Variants in GIMAP8 observed in about 807,000 individuals in gnomAD.
GIMAP8 encodes GTPase, IMAP family member 8.
Under a neutral mutation model 35.6 loss-of-function variants are expected in GIMAP8, and 29 were observed. The observed-to-expected ratio is 0.81, with a 90% CI of 0.61 to 1.11. The LOEUF (loss-of-function observed/expected upper bound fraction) is 1.11, where lower values mean the gene tolerates loss of function less well. Among genes scored for constraint, GIMAP8 ranks in the 50% most tolerant of loss-of-function variants. The pLI is 0.00. For synonymous variants in GIMAP8, 335 were observed against 308.7 expected (o/e 1.09, Z -0.89); for missense variants, 811 against 805.0 (o/e 1.01, Z -0.09).
chr7:150,459,311 T>A (rs1432157288), intron 1 of GIMAP8, among the ~76,000 whole-genome samples: 1 of 152,202 alleles, frequency 6.6e-6, no homozygotes, highest in African/African-American at 2.4e-5. Flanking sequence ...TTGAGAGGCA[T>A]GAGGAGCCCA....
chr7:150,466,560 T>C, intron 1 of GIMAP8, 111 bp from the exon 2 acceptor site: 1 of 909,166 alleles, frequency 1.1e-6, no homozygotes, highest in South Asian at 1.7e-5. Flanking sequence ...CTTCAGTAGC[T>C]CAAATTCATT....
rs772655799 is a variant in GIMAP8, at chr7:150,474,097, C to T, written c.768C>T (p.Arg256=). 67 of 1,614,144 alleles carry T rather than the reference C, an allele frequency of 4.2e-5. No individual in the cohort carries two copies. The highest frequency in any genetic ancestry group is 3.7e-4 in the Admixed American group (22 of 60,004). ...SELTVLLVGK[R]GAGKSAAGNS... ...TGACAGTCCTCCTTGTGGGGAAACG[C>T]GGTGCTGGAAAAAGTGCAGCAGGAA... is the stretch of plus-strand genomic sequence containing the variant. The change falls in exon 4 of 5, where the codon CGC becomes CGT. Residue 256 remains arginine, a synonymous_variant. Coordinates refer to ENST00000307271, the MANE Select transcript of GIMAP8 (RefSeq NM_175571.4).
chr7:150,466,097 A>G (rs767454159), intron 1 of GIMAP8, among the ~76,000 whole-genome samples: 9 of 152,318 alleles, frequency 5.9e-5, no homozygotes, highest in Non-Finnish European at 1.3e-4. Flanking sequence ...GAGTCCCACA[A>G]ATGAAGTTTT....
intron 3 of GIMAP8, among the ~76,000 whole-genome samples, chr7:150,471,179 C>T (rs1027557647): frequency 1.3e-5 from 2 of 152,206 alleles, no homozygotes; most frequent in East Asian, 3.8e-4. Context: ...TGGATCCGGC[C>T]CTGCCCAAGT....
intron 1 of GIMAP8, among the ~76,000 whole-genome samples, chr7:150,462,769 C>T (rs1395717682): frequency 6.6e-6 from 1 of 152,042 alleles, no homozygotes; most frequent in Admixed American, 6.6e-5. Flanking sequence ...TTTTAGAATT[C>T]TTTCTTTGTC....
rs1563289821 is a variant in GIMAP8 at position 150,478,492 on chromosome 7, T to A, written c.*712T>A. 1 of 152,194 alleles carries A rather than the reference T, an allele frequency of 6.6e-6. No individual in the cohort carries two copies. The highest frequency in any genetic ancestry group is 1.5e-5 in the Non-Finnish European group (1 of 68,044). The allele number at this position is 152,194 out of a possible 1,614,324, so 9.4% of individuals were successfully genotyped here. ...CAGTGACATAGACTAGAACAGAAAT[T>A]AGAAGCATAGTAAGATTGCCAAAAT... is the stretch of plus-strand genomic sequence containing the variant. On this transcript the variant is annotated 3_prime_UTR_variant, in exon 5 of 5. Coordinates refer to ENST00000307271, the MANE Select transcript of GIMAP8 (RefSeq NM_175571.4).
At chr7:150,455,926 G>C (rs1801721365) in intron 1 of GIMAP8, among the ~76,000 whole-genome samples, 1 of 152,112 alleles carries the variant, frequency 6.6e-6, no homozygotes, top group Admixed American at 6.5e-5. Context: ...CTTTCTGCTT[G>C]GTGGCACAGG....
chr7:150,473,364 T>C (rs1426533872), intron 3 of GIMAP8, among the ~76,000 whole-genome samples: 1 of 151,714 alleles, frequency 6.6e-6, no homozygotes, highest in Non-Finnish European at 1.5e-5. Context: ...ACATATGGGA[T>C]CCCCATCTAG....
At chr7:150,476,627 A>G (rs1802234853) in intron 4 of GIMAP8, among the ~76,000 whole-genome samples, 1 of 152,268 alleles carries the variant, frequency 6.6e-6, no homozygotes, top group Non-Finnish European at 1.5e-5. Flanking sequence ...AATTCTTTAA[A>G]TACTGTAAGG....
At chr7:150,452,675 G>GATATATATATAT (rs373374121) in intron 1 of GIMAP8, among the ~76,000 whole-genome samples, 2,491 of 79,408 alleles carry the variant, frequency 0.031, 128 homozygotes, top group African/African-American at 0.04. Flanking sequence ...GTGTGTGTGA[G>GATATATATATAT]ATATATATAT....
At chr7:150,470,984 G>A (rs770780567) in intron 3 of GIMAP8, 110 bp downstream of exon 3, 5 of 824,868 alleles carry the variant, frequency 6.1e-6, no homozygotes, top group Non-Finnish European at 8.1e-6. Flanking sequence ...AATTCACCCT[G>A]GGGACCTAGC....
chr7:150,473,039 G>C lies in GIMAP8; in HGVS notation c.683-973G>C, dbSNP rs369279071. On this transcript the variant is annotated intron_variant, in intron 3 of 4. Transcript: ENST00000307271. ...CAACATGGAAACAGATTCGCAAAGC[G>C]GTAAGTTTTCCAAGGCAATACAGCA... is the stretch of plus-strand genomic sequence containing the variant. Among the ~76,000 whole-genome samples the C allele has an allele frequency of 1.0e-3, 155 of 152,298 alleles. 1 individual carries two copies. In the South Asian group the frequency reaches 0.031, roughly 31 times the overall value.
intron 2 of GIMAP8, among the ~76,000 whole-genome samples, chr7:150,468,517 C>A (rs542870139): frequency 6.6e-6 from 1 of 152,090 alleles, no homozygotes; most frequent in Admixed American, 6.6e-5. Flanking sequence ...TACGCATGTC[C>A]GTACTATGGA....
At chr7:150,452,728 AGG>A in intron 1 of GIMAP8, among the ~76,000 whole-genome samples, 1 of 120,958 alleles carries the variant, frequency 8.3e-6, no homozygotes, top group Non-Finnish European at 1.7e-5. Flanking sequence ...GTGGAACTAC[AGG>A]CACCCACCAC....
At chr7:150,473,545 T>C (rs1477100768) in intron 3 of GIMAP8, among the ~76,000 whole-genome samples, 2 of 149,434 alleles carry the variant, frequency 1.3e-5, no homozygotes, top group African/African-American at 2.5e-5. Context: ...ACTTAGCGTG[T>C]TTTTTTGAGA....
intron 1 of GIMAP8, among the ~76,000 whole-genome samples, chr7:150,457,101 G>C (rs986047116): frequency 2.6e-5 from 4 of 152,172 alleles, no homozygotes; most frequent in African/African-American, 9.7e-5. Context: ...CCTATTTATT[G>C]ACAGTAATCC....
intron 1 of GIMAP8, among the ~76,000 whole-genome samples, chr7:150,459,205 C>G (rs1801792420): frequency 6.6e-6 from 1 of 152,188 alleles, no homozygotes; most frequent in South Asian, 2.1e-4. Flanking sequence ...ATTCCATATT[C>G]TTTCTTACCT....
At chr7:150,458,579 C>T (rs1359875478) in intron 1 of GIMAP8, among the ~76,000 whole-genome samples, 1 of 152,186 alleles carries the variant, frequency 6.6e-6, no homozygotes, top group African/African-American at 2.4e-5. Flanking sequence ...AGCACATGTC[C>T]TCACCTTATC....
At chr7:150,470,217 A>G (rs553033752) in intron 2 of GIMAP8, among the ~76,000 whole-genome samples, 3 of 152,282 alleles carry the variant, frequency 2.0e-5, no homozygotes, top group South Asian at 2.1e-4. Context: ...GAGGGTGTCA[A>G]TGATATTGGG....
Sources: allele counts gnomAD v4.1 joint callset (sites outside exome capture counted in the v4.1 genomes callset), GRCh38; gene constraint gnomAD v4.1.1; transcripts MANE v1.5; gene names NCBI Gene and HGNC (gene_info 2026-07-23, HGNC 2026-07-21).